SCMH1: variants seen among roughly 807,000 people sequenced by gnomAD.
SCMH1 encodes the protein polycomb protein SCMH1.
SCMH1 carries 37 observed loss-of-function variants against 70.8 expected under a neutral mutation model. The ratio of observed to expected loss-of-function variants is 0.52; its 90% confidence interval spans 0.40 to 0.69. The LOEUF is 0.69. SCMH1 is among the 30% of genes least tolerant of loss of function. The pLI is 0.00. For missense variants in SCMH1, 607 were observed against 827.3 expected (o/e 0.73, Z 3.27); for synonymous variants, 292 against 307.4 (o/e 0.95, Z 0.52).
chr1:41,120,873 A>C (rs534092485), intron 6 of SCMH1, among the ~76,000 whole-genome samples: 1 of 152,308 alleles, frequency 6.6e-6, no homozygotes, highest in East Asian at 1.9e-4. Flanking sequence ...CACTATGTTT[A>C]TTACACTATC....
At chr1:41,110,589 G>C (rs1669035463) in intron 8 of SCMH1, among the ~76,000 whole-genome samples, 1 of 152,116 alleles carries the variant, frequency 6.6e-6, no homozygotes, top group Non-Finnish European at 1.5e-5. Flanking sequence ...ATGTTATTAA[G>C]ATGCATCTAT....
At chr1:41,229,005 G>A (rs1292548954) in intron 1 of SCMH1, among the ~76,000 whole-genome samples, 1 of 152,106 alleles carries the variant, frequency 6.6e-6, no homozygotes, top group East Asian at 1.9e-4. Context: ...AAACCAGCCT[G>A]ACCAACACGG....
At chr1:41,143,906 A>G (rs1644325072) in intron 5 of SCMH1, among the ~76,000 whole-genome samples, 1 of 152,208 alleles carries the variant, frequency 6.6e-6, no homozygotes. Context: ...ATTCATCCAT[A>G]TTAGTAATTC....
At chr1:41,079,079 A>AT (rs770873245) in intron 8 of SCMH1, among the ~76,000 whole-genome samples, 21 of 152,330 alleles carry the variant, frequency 1.4e-4, no homozygotes, top group Non-Finnish European at 2.2e-4. Flanking sequence ...TCCAATATGC[A>AT]TATTTGCATA....
chr1:41,166,191 T>C (rs1288079315), intron 2 of SCMH1, among the ~76,000 whole-genome samples: 5 of 152,272 alleles, frequency 3.3e-5, no homozygotes, highest in East Asian at 1.9e-4. Context: ...TCCTATTTCA[T>C]TGGTAGACTT....
chr1:41,065,401 T>C (rs951682896), intron 10 of SCMH1, among the ~76,000 whole-genome samples: 6 of 152,158 alleles, frequency 3.9e-5, no homozygotes, highest in African/African-American at 9.7e-5. Flanking sequence ...CCCAGGAAGA[T>C]TGAGGCTGCA....
chr1:41,199,354 TTA>T (rs1333438141), intron 1 of SCMH1, among the ~76,000 whole-genome samples: 4 of 152,122 alleles, frequency 2.6e-5, no homozygotes, highest in African/African-American at 9.7e-5. Flanking sequence ...TCACCGTAGG[TTA>T]GTTTTGCCTG....
At chr1:41,131,660 C>T (rs1034103594) in intron 6 of SCMH1, among the ~76,000 whole-genome samples, 38 of 152,144 alleles carry the variant, frequency 2.5e-4, no homozygotes, top group African/African-American at 8.9e-4. Context: ...CCCATCAACT[C>T]GTCATTTACA....
chr1:41,081,182 C>T lies in SCMH1; in HGVS notation c.746-5731G>A, dbSNP rs555284504. 8.6e-4 allele frequency among the ~76,000 whole-genome samples: 130 copies of T among 151,226 alleles called. 1 individual carries two copies. Among genetic ancestry groups the T allele is most frequent in the African/African-American group, 2.7e-3 (113 of 41,204 alleles). ...AGTATTCAGTGAAAGATGGGCAAGACATCTACACTGAAAACTATAAAATAT... is the reference window on the plus strand; with the variant it reads ...AGTATTCAGTGAAAGATGGGCAAGATATCTACACTGAAAACTATAAAATAT... On this transcript the variant is annotated intron_variant, in intron 8 of 14. Coordinates refer to ENST00000337495, the Ensembl canonical transcript of SCMH1.
intron 1 of SCMH1, among the ~76,000 whole-genome samples, chr1:41,239,696 T>A (rs879436319): frequency 1.5e-4 from 23 of 152,082 alleles, no homozygotes; most frequent in African/African-American, 4.8e-4. Context: ...TATGGCGTGA[T>A]CATGGCTCAC....
At chr1:41,147,262 C>A (rs1015656877) in intron 5 of SCMH1, among the ~76,000 whole-genome samples, 2 of 152,080 alleles carry the variant, frequency 1.3e-5, no homozygotes, top group Non-Finnish European at 2.9e-5. Flanking sequence ...CTTTTTCTGG[C>A]CCATTTGCAT....
At chr1:41,216,457 A>G (rs1157735421) in intron 1 of SCMH1, among the ~76,000 whole-genome samples, 1 of 152,196 alleles carries the variant, frequency 6.6e-6, no homozygotes, top group African/African-American at 2.4e-5. Context: ...CTTCACCATG[A>G]TGAAGGCAGG....
intron 8 of SCMH1, among the ~76,000 whole-genome samples, chr1:41,091,367 G>A (rs147196173): frequency 0.033 from 4,982 of 152,208 alleles, 107 homozygotes; most frequent in Non-Finnish European, 0.049. Context: ...AATAAACTAG[G>A]TATTGATGGG....
chr1:41,069,749 C>T (rs948216960), intron 10 of SCMH1, among the ~76,000 whole-genome samples: 7 of 152,120 alleles, frequency 4.6e-5, no homozygotes, highest in East Asian at 1.9e-4. Flanking sequence ...CAAGAGATGG[C>T]GACACAATGG....
chr1:41,188,668 C>A (rs1256244524), intron 1 of SCMH1, among the ~76,000 whole-genome samples: 1 of 152,038 alleles, frequency 6.6e-6, no homozygotes, highest in African/African-American at 2.4e-5. Flanking sequence ...ATGGTAGTAT[C>A]CTTTCAAAAT....
chr1:41,156,953 C>CTTTT (rs66641047), intron 4 of SCMH1, among the ~76,000 whole-genome samples: 12 of 110,824 alleles, frequency 1.1e-4, no homozygotes, highest in Non-Finnish European at 2.0e-4. Context: ...TATAAGCCAA[C>CTTTT]TTTTTTTTTT....
At chr1:41,127,511 T>C (rs2148028649) in intron 6 of SCMH1, among the ~76,000 whole-genome samples, 1 of 152,336 alleles carries the variant, frequency 6.6e-6, no homozygotes, top group Admixed American at 6.5e-5. Context: ...ACATACGCTG[T>C]GATATATGGA....
intron 3 of SCMH1, 81 bp downstream of exon 3, chr1:41,161,283 A>G: frequency 6.5e-7 from 1 of 1,542,066 alleles, no homozygotes; most frequent in South Asian, 1.2e-5. Context: ...TTGTAAACTC[A>G]GACCTCTAAC....
Position 41,070,587 on chromosome 1 carries a change from G to A in SCMH1, c.1105+8C>T, listed in dbSNP as rs145364714. The A allele has an allele frequency of 2.2e-4, 363 of 1,614,068 alleles. 3 individuals carry two copies. In the African/African-American group the frequency reaches 4.1e-3, roughly 18 times the overall value. On this transcript the variant is annotated splice_region_variant and intron_variant, in intron 10 of 14. Coordinates refer to ENST00000337495, the Ensembl canonical transcript of SCMH1. ...TTGTGCGCAGGTAGTCCTGTCATCTGCTCTTACCTGTTGGGGCCTGCATGG... is the reference window on the plus strand; with the variant it reads ...TTGTGCGCAGGTAGTCCTGTCATCTACTCTTACCTGTTGGGGCCTGCATGG...
Sources: gnomAD v4.1 joint callset for allele counts (sites outside exome capture counted in the v4.1 genomes callset) on GRCh38, gnomAD v4.1.1 for gene constraint, MANE v1.5 for transcripts, NCBI Gene and HGNC (gene_info 2026-07-23, HGNC 2026-07-21) for gene names.